Variants in STX6 observed in about 807,000 individuals in gnomAD.
The protein encoded by STX6 is syntaxin-6.
A neutral mutation model predicts 38.0 loss-of-function variants in STX6; 23 were observed. The observed-to-expected ratio is 0.60, with a 90% CI of 0.43 to 0.86. The LOEUF is 0.86. STX6 is among the 40% of genes least tolerant of loss of function. The pLI is 0.00. For missense variants in STX6, 274 were observed against 312.9 expected (o/e 0.88, Z 0.94); for synonymous variants, 123 against 107.5 (o/e 1.14, Z -0.89).
chr1:180,981,801 C>T (rs1054695708), intron 7 of STX6, among the ~76,000 whole-genome samples: 11 of 152,180 alleles, frequency 7.2e-5, no homozygotes, highest in Non-Finnish European at 1.6e-4. Flanking sequence ...CCCGCAGAGG[C>T]TTCATGCATA....
intron 7 of STX6, among the ~76,000 whole-genome samples, chr1:180,984,208 C>T (rs1313076842): frequency 6.6e-6 from 1 of 150,966 alleles, no homozygotes; most frequent in Non-Finnish European, 1.5e-5. Flanking sequence ...ACAAGTCTTC[C>T]ATTCTCTGAT....
At chr1:180,980,903 A>T (rs1205892962) in intron 7 of STX6, among the ~76,000 whole-genome samples, 2 of 152,220 alleles carry the variant, frequency 1.3e-5, no homozygotes, top group African/African-American at 4.8e-5. Flanking sequence ...TTAGATGCAC[A>T]CTGCTAAGTG....
chr1:180,983,743 AAAG>A (rs755242349), intron 7 of STX6, among the ~76,000 whole-genome samples: 88 of 152,320 alleles, frequency 5.8e-4, no homozygotes, highest in Admixed American at 2.8e-3. Flanking sequence ...CCAGTAAAAT[AAAG>A]AAGGATTTTG....
chr1:181,008,538 T>G (rs923599492), intron 1 of STX6, among the ~76,000 whole-genome samples: 2 of 152,190 alleles, frequency 1.3e-5, no homozygotes, highest in Non-Finnish European at 2.9e-5. Flanking sequence ...TGGATGATTT[T>G]ATAACATCAA....
rs544282415 is a variant in STX6 at position 180,974,658 on chromosome 1, C to T, written c.*1912G>A. The T allele has an allele frequency of 2.0e-5, 3 of 152,710 alleles. No individual in the cohort carries two copies. Among genetic ancestry groups the T allele is most frequent in the Admixed American group, 1.3e-4 (2 of 15,296 alleles). 9.5% of individuals were successfully genotyped at this position (152,710 alleles called of 1,614,324 possible). On this transcript the variant is annotated 3_prime_UTR_variant, in exon 8 of 8. Coordinates refer to ENST00000258301, the MANE Select transcript of STX6 (RefSeq NM_005819.6). ...TGGATTACAGTACTTAGACAAGGTT[C>T]ACATTTACTTTAAAAGACTTCTATA...
At position 180,976,449 on chromosome 1, in the gene STX6, T is replaced by G. The variant is rs1454346364; in HGVS notation, c.*121A>C. On this transcript the variant is annotated 3_prime_UTR_variant, in exon 8 of 8. Transcript: ENST00000258301. ...AATTGTGGGGTCACACGGAGAAAAG[T>G]CAGTGCAGCAGTATGTTTCCAGGAT... 1 of 873,374 alleles carries G rather than the reference T, an allele frequency of 1.1e-6. No individual in the cohort carries two copies. 54.1% of individuals were successfully genotyped at this position (873,374 alleles called of 1,614,324 possible). A position where few individuals can be genotyped will look rare whatever the true frequency, so the allele number is the denominator to read the frequency against.
chr1:181,020,032 G>T (rs1470456376), intron 1 of STX6, among the ~76,000 whole-genome samples: 1 of 151,948 alleles, frequency 6.6e-6, no homozygotes, highest in South Asian at 2.1e-4. Flanking sequence ...GCGTGGTGGC[G>T]GGTGCCCTGC....
intron 1 of STX6, among the ~76,000 whole-genome samples, chr1:181,019,040 T>C (rs539499758): frequency 6.6e-6 from 1 of 152,308 alleles, no homozygotes; most frequent in African/African-American, 2.4e-5. Context: ...ATCTCTAAAA[T>C]GTGGCTAGTA....
chr1:181,013,224 G>GA (rs1656460301), intron 1 of STX6, among the ~76,000 whole-genome samples: 2 of 151,948 alleles, frequency 1.3e-5, no homozygotes, highest in East Asian at 3.9e-4. Context: ...AAAATGAGAA[G>GA]AAAGAGTATC....
At chr1:180,999,564 C>G (rs1359957503) in intron 3 of STX6, among the ~76,000 whole-genome samples, 8 of 151,286 alleles carry the variant, frequency 5.3e-5, no homozygotes, top group Non-Finnish European at 8.8e-5. Context: ...AAAACATACA[C>G]AAAACTCTAA....
chr1:181,011,949 G>A (rs1032085018), intron 1 of STX6, among the ~76,000 whole-genome samples: 3 of 152,222 alleles, frequency 2.0e-5, no homozygotes, highest in African/African-American at 7.2e-5. Context: ...CTCCAGAAAG[G>A]TGACAATCAC....
chr1:180,980,802 T>C (rs1158473463), intron 7 of STX6: 4 of 152,146 alleles, frequency 2.6e-5, no homozygotes, highest in Admixed American at 2.6e-4. Flanking sequence ...AGTAGGTAAA[T>C]GGATAAATTG....
chr1:181,022,425 G>T (rs1656764949), intron 1 of STX6, among the ~76,000 whole-genome samples: 1 of 152,106 alleles, frequency 6.6e-6, no homozygotes, highest in Non-Finnish European at 1.5e-5. Context: ...CACCACCAGG[G>T]GCTTGGCTGG....
Position 181,002,705 on chromosome 1 carries a change from G to A in STX6, c.206-5C>T. 1 of 1,596,390 alleles carries A rather than the reference G, an allele frequency of 6.3e-7. No individual in the cohort carries two copies. The highest frequency in any genetic ancestry group is 8.6e-7 in the Non-Finnish European group (1 of 1,164,872). ...TAGGATTTGCTTCAACTATGCGTAGGTCAAAAAGTCAAGGTAAAACAATTT... is the reference window on the plus strand; with the variant it reads ...TAGGATTTGCTTCAACTATGCGTAGATCAAAAAGTCAAGGTAAAACAATTT... On this transcript the variant is annotated splice_region_variant and splice_polypyrimidine_tract_variant and intron_variant, in intron 2 of 7. Transcript: ENST00000258301.
Position 181,002,700 on chromosome 1 carries a change from C to T in STX6, c.206G>A (p.Ser69Asn), listed in dbSNP as rs776504795. 3 of 1,608,488 alleles carry T rather than the reference C, an allele frequency of 1.9e-6. No individual in the cohort carries two copies. Among genetic ancestry groups the T allele is most frequent in the Non-Finnish European group, 1.7e-6 (2 of 1,175,478 alleles). The change falls in exon 3 of 8, where the codon AGC becomes AAC. Residue 69 changes from serine to asparagine, a missense_variant and splice_region_variant. By Grantham distance (46) the Ser-to-Asn change is conservative. Coordinates refer to ENST00000258301, the MANE Select transcript of STX6 (RefSeq NM_005819.6). ...TTTTCTAGGATTTGCTTCAACTATG[C>T]GTAGGTCAAAAAGTCAAGGTAAAAC... is the stretch of plus-strand genomic sequence containing the variant. The part of the protein sequence containing the change: ...WDLEDLDETI[S>N]IVEANPRKFN...
intron 3 of STX6, among the ~76,000 whole-genome samples, chr1:180,998,276 G>A (rs1655971154): frequency 6.6e-6 from 1 of 152,214 alleles, no homozygotes; most frequent in Non-Finnish European, 1.5e-5. Context: ...CTGCATGGGT[G>A]TTAGCCCTGA....
At position 180,981,925 on chromosome 1, in the gene STX6, A is replaced by G. The variant is rs149920929; in HGVS notation, c.691+2752T>C. 4.0e-3 allele frequency among the ~76,000 whole-genome samples: 611 copies of G among 152,350 alleles called. 20 individuals carry two copies. The highest frequency in any genetic ancestry group is 0.036 in the Admixed American group (543 of 15,292). On this transcript the variant is annotated intron_variant, in intron 7 of 7. Coordinates refer to ENST00000258301, the MANE Select transcript of STX6 (RefSeq NM_005819.6). ...GTCAGAGCGGAACAAAAGAACTCCA[A>G]TGGTAGTTTTTTCTCTCTCTCAAAA... is the stretch of plus-strand genomic sequence containing the variant.
At chr1:180,986,711 C>T (rs1450648761) in intron 6 of STX6, among the ~76,000 whole-genome samples, 1 of 152,116 alleles carries the variant, frequency 6.6e-6, no homozygotes, top group Non-Finnish European at 1.5e-5. Flanking sequence ...CCATGCCCAG[C>T]GGTTTCATGC....
intron 1 of STX6, among the ~76,000 whole-genome samples, chr1:181,011,335 GTCTC>G (rs1204681824): frequency 1.5e-4 from 23 of 152,288 alleles, no homozygotes; most frequent in East Asian, 5.8e-4. Context: ...AAGCAAAGAG[GTCTC>G]TCTAAGTGGA....
Sources: gnomAD v4.1 joint callset for allele counts (sites outside exome capture counted in the v4.1 genomes callset) on GRCh38, gnomAD v4.1.1 for gene constraint, MANE v1.5 for transcripts, NCBI Gene and HGNC (gene_info 2026-07-23, HGNC 2026-07-21) for gene names.